The following INPP5A variants were observed in gnomAD, a reference collection of about 807,000 sequenced individuals.
INPP5A encodes the protein 43 kDa inositol polyphosphate 5-phophatase.
In INPP5A, 14 loss-of-function variants were observed where a neutral mutation model predicts 65.2. The ratio of observed to expected loss-of-function variants is 0.21; its 90% CI spans 0.14 to 0.34. INPP5A has a LOEUF of 0.34. Among genes scored for constraint, INPP5A ranks in the 10% least tolerant of loss-of-function variants. The pLI, the probability that INPP5A is intolerant of heterozygous loss-of-function variation, is 1.00. For missense variants in INPP5A, 431 were observed against 545.6 expected (o/e 0.79, Z 2.09); for synonymous variants, 207 against 208.3 (o/e 0.99, Z 0.05).
intron 1 of INPP5A, among the ~76,000 whole-genome samples, chr10:132,606,340 G>A (rs1480989151): frequency 6.6e-6 from 1 of 152,136 alleles, no homozygotes; most frequent in Non-Finnish European, 1.5e-5. Context: ...GGTCCTCAGT[G>A]GCGGGACAGT....
At chr10:132,672,287 A>C (rs1305099097) in intron 4 of INPP5A, among the ~76,000 whole-genome samples, 1 of 152,044 alleles carries the variant, frequency 6.6e-6, no homozygotes, top group African/African-American at 2.4e-5. Flanking sequence ...TGGGTTGGCG[A>C]TTGGTTTTGA....
intron 2 of INPP5A, among the ~76,000 whole-genome samples, chr10:132,630,664 A>ACATCCATGAGGGGAAGG (rs1564941193): frequency 4.6e-5 from 6 of 129,514 alleles, no homozygotes; most frequent in Non-Finnish European, 8.1e-5. Context: ...TGAGGGGAAG[A>ACATCCATGAGGGGAAGG]CATCCATGAG....
At chr10:132,632,161 G>T (rs1372120340) in intron 2 of INPP5A, among the ~76,000 whole-genome samples, 1 of 152,250 alleles carries the variant, frequency 6.6e-6, no homozygotes, top group Non-Finnish European at 1.5e-5. Context: ...CGACACTGTG[G>T]CGTGGCCTTT....
Position 132,727,564 on chromosome 10 carries a change from G to A in INPP5A, c.732+659G>A, listed in dbSNP as rs889876161. ...GATGTTTCTCTGTGGTCCAGTCCAC[G>A]CTGGCTGTGGGTCCTCCCTCCCAGT... On this transcript the variant is annotated intron_variant, in intron 9 of 15. Coordinates refer to ENST00000368594, the MANE Select transcript of INPP5A (RefSeq NM_005539.5). The surrounding 1 kb of genome is among the most constrained non-coding windows in gnomAD (Gnocchi z 6.5). 3.3e-5 allele frequency among the ~76,000 whole-genome samples: 5 copies of A among 152,114 alleles called. No individual in the cohort carries two copies. The highest frequency in any genetic ancestry group is 9.7e-5 in the African/African-American group (4 of 41,408).
intron 1 of INPP5A, among the ~76,000 whole-genome samples, chr10:132,597,074 T>C (rs1190504985): frequency 6.6e-6 from 1 of 151,914 alleles, no homozygotes; most frequent in Non-Finnish European, 1.5e-5. Flanking sequence ...CCTGTACGTG[T>C]GTGCGTGTGT....
chr10:132,644,331 C>T lies in INPP5A; in HGVS notation c.118-1537C>T, dbSNP rs1235554103. On this transcript the variant is annotated intron_variant, in intron 2 of 15. Transcript: ENST00000368594. The surrounding 1 kb of genome is among the most constrained non-coding windows in gnomAD (Gnocchi z 6.5). ...CTGCCGCTGCCACCTGCAGCACAGA[C>T]GGAGCCTGTGCACGGGGCCTGGTCA... is the stretch of plus-strand genomic sequence containing the variant. 2.0e-5 allele frequency among the ~76,000 whole-genome samples: 3 copies of T among 152,234 alleles called. No individual in the cohort carries two copies. Among genetic ancestry groups the T allele is most frequent in the Non-Finnish European group, 2.9e-5 (2 of 68,042 alleles).
At chr10:132,657,079 C>A (rs2072666483) in intron 4 of INPP5A, among the ~76,000 whole-genome samples, 1 of 152,172 alleles carries the variant, frequency 6.6e-6, no homozygotes, top group Admixed American at 6.5e-5. Flanking sequence ...GTGGAGTAGC[C>A]CCAGAGGCAG....
At chr10:132,712,308 T>G (rs1180651180) in intron 8 of INPP5A, among the ~76,000 whole-genome samples, 1 of 151,570 alleles carries the variant, frequency 6.6e-6, no homozygotes, top group African/African-American at 2.4e-5. Flanking sequence ...GTATGCACAG[T>G]TGCTTGTGGG....
At chr10:132,622,863 C>T (rs1445196229) in intron 2 of INPP5A, among the ~76,000 whole-genome samples, 2 of 97,536 alleles carry the variant, frequency 2.1e-5, no homozygotes, top group Non-Finnish European at 4.0e-5. Flanking sequence ...GACTCAGTTA[C>T]GCTGACGTGT....
chr10:132,712,330 GGTGGGT>G (rs1256650892), intron 8 of INPP5A, among the ~76,000 whole-genome samples: 2 of 152,036 alleles, frequency 1.3e-5, no homozygotes, highest in East Asian at 1.9e-4. Flanking sequence ...TTTGTGTGGG[GGTGGGT>G]GTGCGCACAT....
rs561963095 is a variant in INPP5A at position 132,694,816 on chromosome 10, A to C, written c.371-3000A>C. 1.4e-4 allele frequency among the ~76,000 whole-genome samples: 22 copies of C among 152,328 alleles called. No individual in the cohort carries two copies. In the South Asian group the frequency reaches 4.6e-3, roughly 32 times the overall value. On this transcript the variant is annotated intron_variant, in intron 5 of 15. Transcript: ENST00000368594. ...GATGGGCCAATTCCTTGAAAGACACAATCTATGAAAACTCATAAAAGGAAA... is the reference window on the plus strand; with the variant it reads ...GATGGGCCAATTCCTTGAAAGACACCATCTATGAAAACTCATAAAAGGAAA...
intron 4 of INPP5A, among the ~76,000 whole-genome samples, chr10:132,653,408 G>A (rs1289554975): frequency 3.9e-5 from 6 of 152,174 alleles, no homozygotes; most frequent in Admixed American, 3.9e-4. Flanking sequence ...CCGAGACTCT[G>A]CCTGGCGTGC....
intron 4 of INPP5A, among the ~76,000 whole-genome samples, chr10:132,664,739 A>C (rs929637580): frequency 1.3e-5 from 2 of 152,148 alleles, no homozygotes; most frequent in South Asian, 4.1e-4. Flanking sequence ...TTGGCTTGGC[A>C]CCTGTTAGAA....
At chr10:132,693,439 A>C (rs1188799522) in intron 5 of INPP5A, among the ~76,000 whole-genome samples, 1 of 152,222 alleles carries the variant, frequency 6.6e-6, no homozygotes, top group East Asian at 1.9e-4. Flanking sequence ...CATTTATATA[A>C]ACACCTAAAG....
At chr10:132,639,649 G>A (rs1161684724) in intron 2 of INPP5A, among the ~76,000 whole-genome samples, 1 of 152,190 alleles carries the variant, frequency 6.6e-6, no homozygotes, top group Non-Finnish European at 1.5e-5. Context: ...TTTGGCCGTT[G>A]TTTTTTCCAA....
In INPP5A at chr10:132,697,990, C is replaced by G. The variant is rs959019020; in HGVS notation, c.474+71C>G. On this transcript the variant is annotated intron_variant, in intron 6 of 15. Transcript: ENST00000368594. This position sits in a 1 kb window ranked among gnomAD's most constrained non-coding sequence, Gnocchi z 5.6. The stretch of plus-strand genomic sequence containing the variant: ...AGCCAGTCAGAAGTGACATGGAACA[C>G]GGAATTTTCGCATTGCACTGTTACT... The G allele has an allele frequency of 1.0e-6, 1 of 1,003,220 alleles. No homozygotes were observed. The highest frequency in any genetic ancestry group is 1.6e-6 in the Non-Finnish European group (1 of 640,586). The allele number at this position is 1,003,220 out of a possible 1,614,324, so 62.1% of individuals were successfully genotyped here. A position where few individuals can be genotyped will look rare whatever the true frequency, so the allele number is the denominator to read the frequency against.
chr10:132,625,652 A>G (rs954099698), intron 2 of INPP5A, among the ~76,000 whole-genome samples: 1 of 152,152 alleles, frequency 6.6e-6, no homozygotes, highest in Non-Finnish European at 1.5e-5. Context: ...ACCCCTGGCC[A>G]GTCCTGAGGC....
intron 11 of INPP5A, among the ~76,000 whole-genome samples, chr10:132,756,989 G>C (rs1325932910): frequency 6.6e-6 from 1 of 152,164 alleles, no homozygotes; most frequent in Admixed American, 6.5e-5. Flanking sequence ...TAGGCAAAAA[G>C]TTTATAGAAT....
At position 132,780,953 on chromosome 10, in the gene INPP5A, G is replaced by A. The variant is rs753679183; in HGVS notation, c.1158+36G>A. 16 of 900,240 alleles carry A rather than the reference G, an allele frequency of 1.8e-5. No homozygotes were observed. In the East Asian group the frequency reaches 7.0e-4, roughly 39 times the overall value. 55.8% of individuals were successfully genotyped at this position (900,240 alleles called of 1,614,324 possible). A position where few individuals can be genotyped will look rare whatever the true frequency, so the allele number is the denominator to read the frequency against. On this transcript the variant is annotated intron_variant, in intron 14 of 15. Transcript: ENST00000368594. The stretch of plus-strand genomic sequence containing the variant: ...CTGAGGTCCAGGGGCCAGGCTGGGG[G>A]ACCAAGGGGAAGCTAGGGGGCCGGG...
Sources: allele counts gnomAD v4.1 joint callset (sites outside exome capture counted in the v4.1 genomes callset), GRCh38; gene constraint gnomAD v4.1.1; non-coding constraint Gnocchi (gnomAD v3.1); transcripts MANE v1.5; gene names NCBI Gene and HGNC (gene_info 2026-07-23, HGNC 2026-07-21).